ARID4A: variants seen among roughly 807,000 people sequenced by gnomAD.
ARID4A encodes the protein AT-rich interactive domain-containing protein 4A.
Under a neutral mutation model 148.6 loss-of-function variants are expected in ARID4A, and 39 were observed. The ratio of observed to expected loss-of-function variants is 0.26; its 90% CI spans 0.20 to 0.34. The LOEUF (loss-of-function observed/expected upper bound fraction) is 0.34. Ranked by LOEUF, ARID4A falls within the 10% of genes least tolerant of loss-of-function variation. The pLI, the probability that ARID4A is intolerant of heterozygous loss-of-function variation, is 1.00. For missense variants in ARID4A, 1,265 were observed against 1,449.1 expected (o/e 0.87, Z 2.06); for synonymous variants, 475 against 481.2 (o/e 0.99, Z 0.17).
chr14:58,319,302 C>T (rs543144641), intron 7 of ARID4A, among the ~76,000 whole-genome samples: 4 of 151,388 alleles, frequency 2.6e-5, no homozygotes, highest in South Asian at 4.2e-4. Context: ...CTCCTGACCT[C>T]GTGATCCACC....
At chr14:58,311,883 T>C (rs1367140411) in intron 5 of ARID4A, among the ~76,000 whole-genome samples, 3 of 142,114 alleles carry the variant, frequency 2.1e-5, no homozygotes, top group Non-Finnish European at 4.5e-5. Context: ...CAAACTCTTA[T>C]TAGAGAGTAG....
intron 3 of ARID4A, among the ~76,000 whole-genome samples, chr14:58,304,479 T>G (rs918710813): frequency 1.3e-5 from 2 of 152,228 alleles, no homozygotes; most frequent in Non-Finnish European, 2.9e-5. Flanking sequence ...AGCACTTGTT[T>G]GTATCAGTGC....
intron 9 of ARID4A, among the ~76,000 whole-genome samples, chr14:58,328,751 T>C (rs1316390343): frequency 6.6e-6 from 1 of 152,110 alleles, no homozygotes; most frequent in Non-Finnish European, 1.5e-5. Context: ...TCCCAGCACT[T>C]TGGGAGGCTG....
At chr14:58,339,910 C>G (rs1418937859) in intron 11 of ARID4A, among the ~76,000 whole-genome samples, 1 of 151,816 alleles carries the variant, frequency 6.6e-6, no homozygotes, top group Non-Finnish European at 1.5e-5. Context: ...TATACACTTT[C>G]AAGCAACCAG....
chr14:58,354,486 C>G (rs146977412), intron 17 of ARID4A, among the ~76,000 whole-genome samples: 2,517 of 151,950 alleles, frequency 0.017, 28 homozygotes, highest in Non-Finnish European at 0.023. Flanking sequence ...AGTTCAAGAC[C>G]AGACCTGGCA....
chr14:58,327,009 C>CAAAT (rs2033254413), intron 8 of ARID4A, among the ~76,000 whole-genome samples: 1 of 152,170 alleles, frequency 6.6e-6, no homozygotes, highest in Admixed American at 6.5e-5. Flanking sequence ...AGCAAACAAA[C>CAAAT]AAATACTTCC....
chr14:58,356,964 G>C (rs2034897024), intron 17 of ARID4A, among the ~76,000 whole-genome samples: 1 of 152,134 alleles, frequency 6.6e-6, no homozygotes. Context: ...CTCCCAAAGT[G>C]TTGGGATTAC....
chr14:58,333,108 A>G (rs1275982598), intron 11 of ARID4A, among the ~76,000 whole-genome samples: 1 of 152,110 alleles, frequency 6.6e-6, no homozygotes, highest in East Asian at 1.9e-4. Context: ...TACAAGATAT[A>G]GATCTCATGC....
chr14:58,325,719 A>G (rs1432058346), intron 8 of ARID4A, among the ~76,000 whole-genome samples: 2 of 152,206 alleles, frequency 1.3e-5, no homozygotes, highest in Admixed American at 1.3e-4. Context: ...TTCTATGTGC[A>G]TGTAAATATA....
Position 58,364,251 on chromosome 14 carries a change from T to C in ARID4A, c.2162T>C (p.Leu721Pro). Residue 721 changes from leucine (L) to proline (P), a missense_variant, in exon 20 of 24, where the codon CTA (leucine) becomes CCA (proline). Transcript: ENST00000355431. The stretch of plus-strand genomic sequence containing the variant: ...GAAGAACTTTCTCTTAAAGATGAAC[T>C]AGAAAAAAATGAAAATTTGAATGAT... ...INEELSLKDE[L>P]EKNENLNDDK... 6.5e-7 allele frequency: 1 copy of C among 1,536,114 alleles called. No homozygotes were observed. The highest frequency in any genetic ancestry group is 8.7e-7 in the Non-Finnish European group (1 of 1,149,980).
At chr14:58,331,595 A>T (rs2033523496) in intron 11 of ARID4A, 1 of 152,158 alleles carries the variant, frequency 6.6e-6, no homozygotes, top group African/African-American at 2.4e-5. Flanking sequence ...GGTATTGATG[A>T]TGTAGCTGAT....
At chr14:58,346,655 C>T (rs1199288205) in intron 13 of ARID4A, 150 bp downstream of exon 13, 5 of 575,008 alleles carry the variant, frequency 8.7e-6, no homozygotes, top group African/African-American at 3.9e-5. Context: ...TGGCCAGGCA[C>T]GGTGGCTCAC....
intron 17 of ARID4A, among the ~76,000 whole-genome samples, chr14:58,354,092 A>G (rs2034759859): frequency 6.6e-6 from 1 of 152,186 alleles, no homozygotes; most frequent in South Asian, 2.1e-4. Context: ...TTACTCATTT[A>G]TAGTGAGGGA....
chr14:58,354,719 G>A (rs971619306), intron 17 of ARID4A, among the ~76,000 whole-genome samples: 4 of 151,330 alleles, frequency 2.6e-5, no homozygotes, highest in African/African-American at 7.3e-5. Context: ...AAGAGATTTT[G>A]CTCCATATTG....
At chr14:58,304,843 T>A (rs1308385770) in intron 3 of ARID4A, 101 bp from the exon 4 acceptor site, 1 of 997,192 alleles carries the variant, frequency 1.0e-6, no homozygotes, top group African/African-American at 1.6e-5. Context: ...CACCACATGG[T>A]GCTAAGAAAG....
intron 21 of ARID4A, 61 bp downstream of exon 21, chr14:58,365,683 T>C: frequency 1.4e-6 from 2 of 1,398,038 alleles, no homozygotes; most frequent in Non-Finnish European, 2.0e-6. Context: ...TTTGTTGGCT[T>C]GTTTTAAACA....
chr14:58,360,514 G>T (rs1279540238), intron 18 of ARID4A, among the ~76,000 whole-genome samples: 2 of 152,218 alleles, frequency 1.3e-5, no homozygotes, highest in Non-Finnish European at 2.9e-5. Flanking sequence ...TCTACTGGAT[G>T]ATAGATATCT....
chr14:58,311,307 G>A (rs774745999), intron 5 of ARID4A, among the ~76,000 whole-genome samples: 6 of 151,992 alleles, frequency 3.9e-5, no homozygotes, highest in South Asian at 2.1e-4. Context: ...AAAAGCAGAC[G>A]TACAAATGGC....
At chr14:58,357,086 T>C (rs2034905155) in intron 17 of ARID4A, among the ~76,000 whole-genome samples, 1 of 152,166 alleles carries the variant, frequency 6.6e-6, no homozygotes, top group African/African-American at 2.4e-5. Flanking sequence ...AGCTAAGAAA[T>C]CATGAGACTA....
Sources: allele counts gnomAD v4.1 joint callset (sites outside exome capture counted in the v4.1 genomes callset), GRCh38; gene constraint gnomAD v4.1.1; transcripts MANE v1.5; gene names NCBI Gene and HGNC (gene_info 2026-07-23, HGNC 2026-07-21).